The following KMT2B variants were observed in gnomAD, a reference collection of about 807,000 sequenced individuals.
KMT2B encodes the protein lysine methyltransferase 2B.
In KMT2B, 22 loss-of-function variants were observed where a neutral mutation model predicts 255.3. The observed-to-expected ratio is 0.09, with a 90% CI of 0.06 to 0.12. The LOEUF is 0.12. Ranked by LOEUF, KMT2B falls within the 10% of genes least tolerant of loss-of-function variation. KMT2B has a pLI of 1.00. For missense variants in KMT2B, 3,149 were observed against 3,737.0 expected, an observed-to-expected ratio of 0.84 and a Z score of 4.10; for synonymous variants, 1,730 against 1,498.1, an observed-to-expected ratio of 1.15 and a Z score of -3.57.
At position 35,732,332 on chromosome 19, in the gene KMT2B, G is replaced by T; in HGVS notation, c.5783G>T (p.Trp1928Leu). ...PLAPRPPPSR[W>L]ASPPLKTSPQ... ...GCTCCCAGGCCGCCTCCATCACGGT[G>T]GGCCTCCCCTCCTCTAAAAACCTCC... Residue 1928 changes from tryptophan (W) to leucine (L), a missense_variant, in exon 28 of 37, where the codon TGG becomes TTG. Transcript: ENST00000420124. 1 of 1,611,126 alleles carries T rather than the reference G, an allele frequency of 6.2e-7. No individual in the cohort carries two copies. Among genetic ancestry groups the T allele is most frequent in the Non-Finnish European group, 8.5e-7 (1 of 1,178,758 alleles).
chr19:35,737,508 C>T lies in KMT2B; in HGVS notation c.7551-128C>T, dbSNP rs190166632. On this transcript the variant is annotated intron_variant, in intron 33 of 36. Transcript: ENST00000420124. This position sits in a 1 kb window ranked among gnomAD's most constrained non-coding sequence, Gnocchi z 5.3. ...ACCAGCGTAGGCAACATGGCAAAACCCCATCTCTAAAATAAAAATTTAAAA... is the reference window on the plus strand; with the variant it reads ...ACCAGCGTAGGCAACATGGCAAAACTCCATCTCTAAAATAAAAATTTAAAA... 3.4e-4 allele frequency: 265 copies of T among 770,662 alleles called. No homozygotes were observed. The African/African-American group carries it at 4.1e-3, about 12-fold the overall frequency. The allele number at this position is 770,662 out of a possible 1,614,324, so 47.7% of individuals were successfully genotyped here. A position where few individuals can be genotyped will look rare whatever the true frequency, so the allele number is the denominator to read the frequency against.
At chr19:35,726,467 G>A (rs1259063550) in intron 14 of KMT2B, 114 bp downstream of exon 14, 1 of 721,500 alleles carries the variant, frequency 1.4e-6, no homozygotes, top group Non-Finnish European at 2.5e-6. Context: ...TGTAGCTATG[G>A]GACTATCTCT....
At position 35,721,376 on chromosome 19, in the gene KMT2B, C is replaced by T; in HGVS notation, c.2029C>T (p.Pro677Ser). ...TPPPLGAPEAPEPEPPPADDS... is the reference protein window; with the variant it reads ...TPPPLGAPEASEPEPPPADDS... ...TCCTCCTCTTGGGGCTCCTGAAGCC[C>T]CTGAGCCAGAGCCTCCTCCTGCCGA... Residue 677 changes from proline to serine, a missense_variant, in exon 3 of 37, where the codon CCT (proline) becomes TCT (serine). Physicochemically the swap from Pro to Ser is moderately conservative, Grantham distance 74. Transcript: ENST00000420124. 2 of 1,602,236 alleles carry T rather than the reference C, an allele frequency of 1.2e-6. No homozygotes were observed. The highest frequency in any genetic ancestry group is 1.7e-6 in the Non-Finnish European group (2 of 1,175,488).
In KMT2B at chr19:35,733,303, G is replaced by GCCCCCCCCC. The variant is rs1599696561; in HGVS notation, c.6758_6759insCCCCCCCCC (p.Pro2257_Pro2259dup). ...GCCCGTGGTCGGAGTGGTCCGCCCT[G>GCCCCCCCCC]CCCCGCCCCCGCCACCCCCTCCCCT... On this transcript the variant is annotated inframe_insertion, in exon 28 of 37. Transcript: ENST00000420124. The surrounding 1 kb of genome is among the most constrained non-coding windows in gnomAD (Gnocchi z 4.3). 7.5e-7 allele frequency: 1 copy of GCCCCCCCCC among 1,340,088 alleles called. No homozygotes were observed. Among genetic ancestry groups the GCCCCCCCCC allele is most frequent in the Admixed American group, 2.0e-5 (1 of 49,284 alleles). The allele number at this position is 1,340,088 out of a possible 1,614,324, so 83.0% of individuals were successfully genotyped here.
intron 3 of KMT2B, among the ~76,000 whole-genome samples, chr19:35,722,073 C>T (rs1969239933): frequency 6.6e-6 from 1 of 150,376 alleles, no homozygotes; most frequent in Non-Finnish European, 1.5e-5. Flanking sequence ...GGCGTGATCT[C>T]GGCTCACTGC....
At chr19:35,726,777 A>C (rs1455228678) in intron 14 of KMT2B, among the ~76,000 whole-genome samples, 2 of 152,230 alleles carry the variant, frequency 1.3e-5, no homozygotes, top group East Asian at 3.9e-4. Context: ...TGAGGTGAGG[A>C]GTTTGAGATC....
chr19:35,737,099 G>A lies in KMT2B; in HGVS notation c.7386G>A (p.Ala2462=), dbSNP rs370132510. ...RHLSFSGMSG[A]RLLGIHHDAV... is the part of the protein sequence containing the mutation. The stretch of plus-strand genomic sequence containing the variant: ...ATCTCCCCTCAGGAATGAGTGGGGC[G>A]AGACTCCTGGGCATCCACCATGATG... The change falls in exon 33 of 37, where the codon GCG becomes GCA. Residue 2462 remains alanine, a synonymous_variant. Transcript: ENST00000420124. This position sits in a 1 kb window ranked among gnomAD's most constrained non-coding sequence, Gnocchi z 5.3. 3.3e-5 allele frequency: 53 copies of A among 1,609,912 alleles called. No individual in the cohort carries two copies. Among genetic ancestry groups the A allele is most frequent in the African/African-American group, 1.3e-4 (10 of 74,868 alleles).
Position 35,727,514 on chromosome 19 carries a change from G to C in KMT2B, c.4194G>C (p.Gln1398His). 1.2e-6 allele frequency: 2 copies of C among 1,610,790 alleles called. No individual in the cohort carries two copies. The highest frequency in any genetic ancestry group is 1.7e-6 in the Non-Finnish European group (2 of 1,179,790). Residue 1398 changes from glutamine (Q) to histidine (H), a missense_variant, in exon 16 of 37, where the codon CAG becomes CAC. By Grantham distance (24) the Gln-to-His change is conservative (BLOSUM62 0). Transcript: ENST00000420124. This position sits in a 1 kb window ranked among gnomAD's most constrained non-coding sequence, Gnocchi z 4.2. ...GCGGACCGTGTGCTGGGGCAGCGCA[G>C]CCCCGCTGGCGAGAGGCCCTGAGCG... ...YTCGPCAGAA[Q>H]PRWREALSGA... is the part of the protein sequence containing the mutation.
rs780260522 is a variant in KMT2B, at chr19:35,720,215, C to T, written c.868C>T (p.Arg290Cys). The change falls in exon 3 of 37, where the codon CGT becomes TGT. Residue 290 changes from arginine to cysteine, a missense_variant. Coordinates refer to ENST00000420124, the MANE Select transcript of KMT2B (RefSeq NM_014727.3). ...RRGGQSSRGG[R>C]GGRGRGRGGG... ...TGGAGGACAGTCAAGCCGTGGAGGC[C>T]GTGGAGGCAGGGGCCGCGGCCGAGG... The T allele has an allele frequency of 1.9e-5, 31 of 1,610,230 alleles. No individual in the cohort carries two copies. The highest frequency in any genetic ancestry group is 5.3e-5 in the African/African-American group (4 of 74,842).
intron 23 of KMT2B, 39 bp downstream of exon 23, chr19:35,730,164 C>T (rs1388833319): frequency 1.9e-6 from 3 of 1,611,586 alleles, no homozygotes; most frequent in Non-Finnish European, 2.5e-6. Flanking sequence ...CCTTCCCCAC[C>T]TCTCTTCCTG....
chr19:35,727,378 CT>C lies in KMT2B; in HGVS notation c.4118-59del, dbSNP rs1211294218. The C allele has an allele frequency of 5.0e-5, 80 of 1,596,900 alleles. No homozygotes were observed. The highest frequency in any genetic ancestry group is 3.2e-5 in the Non-Finnish European group (37 of 1,165,338). ...CTAAGGGTCCTTGCTGGCCTAGGGGCTGCTGGGAGCCCTCACATCCTCTGAA... is the reference window on the plus strand; with the variant it reads ...CTAAGGGTCCTTGCTGGCCTAGGGGCGCTGGGAGCCCTCACATCCTCTGAA... On this transcript the variant is annotated intron_variant, in intron 15 of 36. Coordinates refer to ENST00000420124, the MANE Select transcript of KMT2B (RefSeq NM_014727.3). The surrounding 1 kb of genome is among the most constrained non-coding windows in gnomAD (Gnocchi z 4.2).
chr19:35,718,394 G>T lies in KMT2B; in HGVS notation c.363+13G>T. Reference sequence around the variant, plus strand: ...ATCCGACGAGGAGGTGAGGCGGTTGGAGGCGTCCCCGGCGCCGGGTGGGGC... The same window carrying T: ...ATCCGACGAGGAGGTGAGGCGGTTGTAGGCGTCCCCGGCGCCGGGTGGGGC... On this transcript the variant is annotated intron_variant, in intron 1 of 36. Coordinates refer to ENST00000420124, the MANE Select transcript of KMT2B (RefSeq NM_014727.3). This position sits in a 1 kb window ranked among gnomAD's most constrained non-coding sequence, Gnocchi z 5.0. 2 of 1,262,244 alleles carry T rather than the reference G, an allele frequency of 1.6e-6. No homozygotes were observed. The allele number at this position is 1,262,244 out of a possible 1,614,324, so 78.2% of individuals were successfully genotyped here.
At chr19:35,730,666 C>T (rs892938121) in intron 25 of KMT2B, 41 bp from the exon 26 acceptor site, 1 of 1,613,844 alleles carries the variant, frequency 6.2e-7, no homozygotes, top group Non-Finnish European at 8.5e-7. Context: ...TAGCTGGATC[C>T]CATTTCCCAA....
In KMT2B at chr19:35,737,547, A is replaced by G; in HGVS notation, c.7551-89A>G. On this transcript the variant is annotated intron_variant, in intron 33 of 36. Coordinates refer to ENST00000420124, the MANE Select transcript of KMT2B (RefSeq NM_014727.3). The surrounding 1 kb of genome is among the most constrained non-coding windows in gnomAD (Gnocchi z 5.3). Reference sequence around the variant, plus strand: ...AAAAATTTAAAAAAGTTATTTCTAGAGCTGACATCAGAAAAATGAACCCCA... The same window carrying G: ...AAAAATTTAAAAAAGTTATTTCTAGGGCTGACATCAGAAAAATGAACCCCA... 1 of 909,662 alleles carries G rather than the reference A, an allele frequency of 1.1e-6. No individual in the cohort carries two copies. The highest frequency in any genetic ancestry group is 1.7e-5 in the African/African-American group (1 of 59,466). The allele number at this position is 909,662 out of a possible 1,614,324, so 56.3% of individuals were successfully genotyped here.
In KMT2B at chr19:35,727,350, G is replaced by A. The variant is rs1255774956; in HGVS notation, c.4117+81G>A. Reference sequence around the variant, plus strand: ...CACCACAGGCCCCAAGAGGACTGGTGGGCTAAGGGTCCTTGCTGGCCTAGG... The same window carrying A: ...CACCACAGGCCCCAAGAGGACTGGTAGGCTAAGGGTCCTTGCTGGCCTAGG... On this transcript the variant is annotated intron_variant, in intron 15 of 36. Coordinates refer to ENST00000420124, the MANE Select transcript of KMT2B (RefSeq NM_014727.3). The surrounding 1 kb of genome is among the most constrained non-coding windows in gnomAD (Gnocchi z 4.2). 1 of 1,576,024 alleles carries A rather than the reference G, an allele frequency of 6.3e-7. No individual in the cohort carries two copies. The highest frequency in any genetic ancestry group is 1.3e-5 in the African/African-American group (1 of 74,102).
intron 20 of KMT2B, 36 bp from the exon 21 acceptor site, chr19:35,728,949 C>G (rs1969576838): frequency 2.5e-6 from 4 of 1,613,046 alleles, no homozygotes; most frequent in African/African-American, 1.3e-5. Context: ...GCTCCGGGTC[C>G]TGATTCTTAG....
At chr19:35,724,468 C>T (rs1240361099) in intron 8 of KMT2B, among the ~76,000 whole-genome samples, 169 bp from the exon 9 acceptor site, 1 of 152,166 alleles carries the variant, frequency 6.6e-6, no homozygotes, top group Non-Finnish European at 1.5e-5. Flanking sequence ...CACTGCATTC[C>T]AGTCTGGGCA....
rs756605661 is a variant in KMT2B, at chr19:35,732,931, G to A, written c.6382G>A (p.Gly2128Ser). 1.9e-6 allele frequency: 3 copies of A among 1,608,354 alleles called. No homozygotes were observed. Among genetic ancestry groups the A allele is most frequent in the Non-Finnish European group, 2.5e-6 (3 of 1,178,102 alleles). ...GAACCTAGGGGGTCCTGGGGATGGA[G>A]GTGCTGGCCCTAGAGAGGAGTCACT... ...LKNLGGPGDG[G>S]AGPREESLPP... The change falls in exon 28 of 37, where the codon GGT becomes AGT. Residue 2128 changes from glycine to serine, a missense_variant. Gly to Ser is a moderately conservative substitution (Grantham distance 56). Around this residue, in one of 18 missense-constraint regions of KMT2B, gnomAD observed 897 missense variants for 825.3 expected, o/e 1.09. Coordinates refer to ENST00000420124, the MANE Select transcript of KMT2B (RefSeq NM_014727.3).
chr19:35,723,664 T>A lies in KMT2B; in HGVS notation c.3059-68T>A. The A allele has an allele frequency of 7.1e-7, 1 of 1,411,732 alleles. No individual in the cohort carries two copies. The highest frequency in any genetic ancestry group is 1.4e-5 in the South Asian group (1 of 71,472). 87.5% of individuals were successfully genotyped at this position (1,411,732 alleles called of 1,614,324 possible). On this transcript the variant is annotated intron_variant, in intron 7 of 36. Coordinates refer to ENST00000420124, the MANE Select transcript of KMT2B (RefSeq NM_014727.3). The surrounding 1 kb of genome is among the most constrained non-coding windows in gnomAD (Gnocchi z 7.5). ...GTTCATTCCCTGCCCCGCTTCTTTC[T>A]GGCTTCTCTCCCAGTGTCCCATGTC...
Sources: allele counts gnomAD v4.1 joint callset (sites outside exome capture counted in the v4.1 genomes callset), GRCh38; gene constraint gnomAD v4.1.1; regional missense constraint gnomAD v4.1.1; non-coding constraint Gnocchi (gnomAD v3.1); transcripts MANE v1.5; gene names NCBI Gene and HGNC (gene_info 2026-07-23, HGNC 2026-07-21).